DCC: variants seen among roughly 807,000 people sequenced by gnomAD.
DCC encodes netrin receptor DCC.
In DCC, 58 loss-of-function variants were observed where a neutral mutation model predicts 172.5. The observed-to-expected ratio is 0.34, with a 90% CI of 0.27 to 0.42. The LOEUF is 0.42. Among genes scored for constraint, DCC ranks in the 10% least tolerant of loss-of-function variants. The pLI is 1.00. For synonymous variants in DCC, 709 were observed against 644.5 expected (o/e 1.10, Z -1.52); for missense variants, 1,740 against 1,791.0 (o/e 0.97, Z 0.51).
intron 5 of DCC, among the ~76,000 whole-genome samples, chr18:53,025,162 A>G (rs902423763): frequency 6.6e-6 from 1 of 152,150 alleles, no homozygotes; most frequent in African/African-American, 2.4e-5. Context: ...CAAATGATGT[A>G]TGAGGATTTA....
chr18:53,043,200 A>G (rs1599060402), intron 5 of DCC, among the ~76,000 whole-genome samples: 1 of 151,624 alleles, frequency 6.6e-6, no homozygotes, highest in South Asian at 2.1e-4. Flanking sequence ...CATCATTCTC[A>G]CCAAACTAAC....
At chr18:53,239,642 A>G (rs530683656) in intron 12 of DCC, among the ~76,000 whole-genome samples, 2 of 152,292 alleles carry the variant, frequency 1.3e-5, no homozygotes, top group South Asian at 4.1e-4. Flanking sequence ...AAAATGTCAA[A>G]CAAAACCTCA....
chr18:53,297,382 C>G (rs2057080165), intron 12 of DCC, among the ~76,000 whole-genome samples: 1 of 152,078 alleles, frequency 6.6e-6, no homozygotes, highest in South Asian at 2.1e-4. Context: ...TTAGAGGAAG[C>G]TAAATTTTAT....
chr18:52,899,276 A>G (rs2039775708), intron 2 of DCC, among the ~76,000 whole-genome samples: 1 of 150,380 alleles, frequency 6.6e-6, no homozygotes, highest in African/African-American at 2.4e-5. Flanking sequence ...CAGCTTCCTG[A>G]GTAGCTGGGA....
intron 15 of DCC, among the ~76,000 whole-genome samples, chr18:53,369,692 A>G (rs534299405): frequency 7.2e-5 from 11 of 151,806 alleles, no homozygotes; most frequent in Non-Finnish European, 1.3e-4. Flanking sequence ...AGGGTGTTGA[A>G]TTTTGTCAAA....
At position 52,914,119 on chromosome 18, in the gene DCC, A is replaced by G. The variant is rs377563334; in HGVS notation, c.697+7791A>G. Among the ~76,000 whole-genome samples, 46 of 152,226 alleles carry G rather than the reference A, an allele frequency of 3.0e-4. 1 individual carries two copies. The South Asian group carries it at 9.3e-3, about 31-fold the overall frequency. ...TTATGCATGTATCTATACATCATGA[A>G]GATTTTTGGATTCTCCAAACTAACT... On this transcript the variant is annotated intron_variant, in intron 3 of 28. Coordinates refer to ENST00000442544, the MANE Select transcript of DCC (RefSeq NM_005215.4).
At chr18:52,787,310 A>G (rs1000083861) in intron 2 of DCC, among the ~76,000 whole-genome samples, 1 of 152,122 alleles carries the variant, frequency 6.6e-6, no homozygotes, top group Admixed American at 6.5e-5. Context: ...TGCATTTGCA[A>G]TCACCTGTTA....
chr18:53,487,050 A>G, intron 26 of DCC, 92 bp downstream of exon 26: 1 of 1,531,954 alleles, frequency 6.5e-7, no homozygotes, highest in Non-Finnish European at 8.9e-7. Context: ...TATCCCTTAG[A>G]AAAGTTGATT....
chr18:52,960,947 C>T (rs1028421899), intron 5 of DCC, among the ~76,000 whole-genome samples: 3 of 152,234 alleles, frequency 2.0e-5, no homozygotes, highest in South Asian at 2.1e-4. Flanking sequence ...TTTGATGGCT[C>T]TTTAGAGAGC....
Position 52,956,955 on chromosome 18 carries a change from C to T in DCC, c.985+31585C>T, listed in dbSNP as rs1045543053. 1.1e-4 allele frequency among the ~76,000 whole-genome samples: 17 copies of T among 151,988 alleles called. 1 individual carries two copies. Among genetic ancestry groups the T allele is most frequent in the Admixed American group, 9.2e-4 (14 of 15,238 alleles). On this transcript the variant is annotated intron_variant, in intron 5 of 28. Coordinates refer to ENST00000442544, the MANE Select transcript of DCC (RefSeq NM_005215.4). ...GAGTTCAATTTGTCAATAGCAAGGC[C>T]GAAAACACGCATATTGCTTTGAATC...
At chr18:53,235,593 T>C (rs1366548989) in intron 12 of DCC, among the ~76,000 whole-genome samples, 1 of 152,194 alleles carries the variant, frequency 6.6e-6, no homozygotes, top group Non-Finnish European at 1.5e-5. Context: ...ACCTGGTATT[T>C]GGCTATCTTT....
At chr18:53,464,430 A>G (rs1270501997) in intron 24 of DCC, among the ~76,000 whole-genome samples, 2 of 152,188 alleles carry the variant, frequency 1.3e-5, no homozygotes, top group Non-Finnish European at 2.9e-5. Flanking sequence ...AATTATATAC[A>G]TGTCTATTAA....
intron 12 of DCC, among the ~76,000 whole-genome samples, chr18:53,287,711 AC>A (rs1432303038): frequency 6.6e-6 from 1 of 152,164 alleles, no homozygotes; most frequent in Non-Finnish European, 1.5e-5. Flanking sequence ...TAGTGGTTGT[AC>A]AGTGGTATTT....
chr18:52,549,952 T>C (rs1284880153), intron 1 of DCC, among the ~76,000 whole-genome samples: 1 of 151,932 alleles, frequency 6.6e-6, no homozygotes, highest in East Asian at 1.9e-4. Context: ...TTCCTCAGTG[T>C]AGTGTTTAAT....
chr18:52,399,828 A>G (rs1211112095), intron 1 of DCC, among the ~76,000 whole-genome samples: 1 of 152,010 alleles, frequency 6.6e-6, no homozygotes, highest in Non-Finnish European at 1.5e-5. Context: ...TCTTATTCTT[A>G]TTAATATCGT....
Position 52,408,661 on chromosome 18 carries a change from A to T in DCC, c.91+67783A>T, listed in dbSNP as rs1034756750. Reference sequence around the variant, plus strand: ...TTTATATTCCTCTGAAGCATCAAGCATCTATAGCTCCAGAAAACTCTGGAT... The same window carrying T: ...TTTATATTCCTCTGAAGCATCAAGCTTCTATAGCTCCAGAAAACTCTGGAT... On this transcript the variant is annotated intron_variant, in intron 1 of 28. Coordinates refer to ENST00000442544, the MANE Select transcript of DCC (RefSeq NM_005215.4). Among the ~76,000 whole-genome samples, 7 of 152,136 alleles carry T rather than the reference A, an allele frequency of 4.6e-5. 1 individual carries two copies. Among genetic ancestry groups the T allele is most frequent in the African/African-American group, 1.2e-4 (5 of 41,436 alleles).
At chr18:52,953,948 G>A (rs1389323750) in intron 5 of DCC, among the ~76,000 whole-genome samples, 1 of 152,192 alleles carries the variant, frequency 6.6e-6, no homozygotes, top group Non-Finnish European at 1.5e-5. Context: ...AAACACCATG[G>A]TGATGTTAGC....
intron 17 of DCC, among the ~76,000 whole-genome samples, chr18:53,394,024 A>G (rs908046247): frequency 2.0e-5 from 3 of 151,834 alleles, no homozygotes; most frequent in South Asian, 2.1e-4. Flanking sequence ...ATGGTGATAG[A>G]CTCTTTGAGT....
chr18:52,555,790 A>G (rs554942722), intron 1 of DCC, among the ~76,000 whole-genome samples: 1 of 152,294 alleles, frequency 6.6e-6, no homozygotes, highest in South Asian at 2.1e-4. Flanking sequence ...CCTTAATGGA[A>G]AAGAACAAGT....
Sources: gnomAD v4.1 joint callset for allele counts (sites outside exome capture counted in the v4.1 genomes callset) on GRCh38, gnomAD v4.1.1 for gene constraint, MANE v1.5 for transcripts, NCBI Gene and HGNC (gene_info 2026-07-23, HGNC 2026-07-21) for gene names.